The following MAP4K4 variants were observed in gnomAD, a reference collection of about 807,000 sequenced individuals.
MAP4K4 encodes the protein mitogen-activated protein kinase kinase kinase kinase 4.
Under a neutral mutation model 189.6 loss-of-function variants are expected in MAP4K4, and 38 were observed. The ratio of observed to expected loss-of-function variants is 0.20; its 90% CI spans 0.15 to 0.26. The LOEUF (loss-of-function observed/expected upper bound fraction) is 0.26. Ranked by LOEUF, MAP4K4 falls within the 10% of genes least tolerant of loss-of-function variation. The pLI is 1.00. For missense variants in MAP4K4, 1,054 were observed against 1,726.9 expected, an observed-to-expected ratio of 0.61 and a Z score of 6.91; for synonymous variants, 610 against 624.3, an observed-to-expected ratio of 0.98 and a Z score of 0.34.
At chr2:101,774,826 G>T (rs1575331352) in intron 2 of MAP4K4, among the ~76,000 whole-genome samples, 1 of 152,046 alleles carries the variant, frequency 6.6e-6, no homozygotes, top group South Asian at 2.1e-4. Context: ...GATTTTAAAG[G>T]CATGTCTTAG....
intron 20 of MAP4K4, 24 bp from the exon 21 acceptor site, chr2:101,868,005 C>T: frequency 5.0e-6 from 8 of 1,613,204 alleles, no homozygotes; most frequent in Non-Finnish European, 6.8e-6. Context: ...TTCTCGGACT[C>T]CACGAAACTG....
At chr2:101,881,134 T>C (rs1425681824) in intron 27 of MAP4K4, among the ~76,000 whole-genome samples, 1 of 152,224 alleles carries the variant, frequency 6.6e-6, no homozygotes, top group African/African-American at 2.4e-5. Flanking sequence ...TATTTAGTTC[T>C]TCTTTGATTT....
intron 3 of MAP4K4, among the ~76,000 whole-genome samples, chr2:101,810,174 T>C (rs987453078): frequency 1.4e-4 from 21 of 152,180 alleles, no homozygotes; most frequent in African/African-American, 5.1e-4. Context: ...GGCTAAACCA[T>C]TGGGGTGAAT....
intron 2 of MAP4K4, among the ~76,000 whole-genome samples, chr2:101,719,674 C>T (rs913372886): frequency 3.9e-5 from 6 of 152,082 alleles, no homozygotes; most frequent in African/African-American, 1.2e-4. Context: ...TAAAATGCGT[C>T]GTGTTGGAAT....
chr2:101,834,498 T>A, intron 8 of MAP4K4, 35 bp downstream of exon 8: 1 of 1,544,970 alleles, frequency 6.5e-7, no homozygotes, highest in Non-Finnish European at 8.9e-7. Context: ...GCTCACTTGT[T>A]ACATGTGACT....
chr2:101,746,502 C>G (rs2065668938), intron 2 of MAP4K4, among the ~76,000 whole-genome samples: 1 of 152,024 alleles, frequency 6.6e-6, no homozygotes, highest in African/African-American at 2.4e-5. Flanking sequence ...CTGACTACCT[C>G]TCACAGCTGA....
chr2:101,723,208 GGATTACAATTCAA>G (rs2053254912), intron 2 of MAP4K4, among the ~76,000 whole-genome samples: 1 of 152,090 alleles, frequency 6.6e-6, no homozygotes, highest in Non-Finnish European at 1.5e-5. Flanking sequence ...AAATTTATGG[GGATTACAATTCAA>G]GATGAGGTTT....
intron 2 of MAP4K4, among the ~76,000 whole-genome samples, chr2:101,720,336 G>A (rs1187933453): frequency 6.6e-6 from 1 of 151,884 alleles, no homozygotes; most frequent in Non-Finnish European, 1.5e-5. Context: ...GCCACACCTG[G>A]CTAATTTTTT....
At chr2:101,717,727 C>T (rs905501221) in intron 2 of MAP4K4, among the ~76,000 whole-genome samples, 3 of 152,088 alleles carry the variant, frequency 2.0e-5, no homozygotes, top group Admixed American at 1.3e-4. Flanking sequence ...AGAAATGAAT[C>T]AGGATGTGCT....
intron 2 of MAP4K4, among the ~76,000 whole-genome samples, chr2:101,754,342 T>G (rs1236060107): frequency 0.022 from 52 of 2,316 alleles, no homozygotes; most frequent in African/African-American, 0.12. Flanking sequence ...TTTTTTGCTG[T>G]TTTTTTTTTT....
At chr2:101,879,195 CAAAAAAAAAAAAAAAA>C (rs61482872) in intron 27 of MAP4K4, among the ~76,000 whole-genome samples, 1 of 67,446 alleles carries the variant, frequency 1.5e-5, no homozygotes, top group East Asian at 4.3e-4. Flanking sequence ...AGCCTGTCTC[CAAAAAAAAAAAAAAAA>C]AAAAAAAATT....
intron 12 of MAP4K4, among the ~76,000 whole-genome samples, chr2:101,850,251 C>T (rs373054499): frequency 8.6e-5 from 13 of 151,578 alleles, no homozygotes; most frequent in Admixed American, 3.9e-4. Flanking sequence ...TTTAGAGGGG[C>T]GGTGGAAGTA....
At chr2:101,725,877 C>T (rs180755928) in intron 2 of MAP4K4, among the ~76,000 whole-genome samples, 6 of 152,296 alleles carry the variant, frequency 3.9e-5, no homozygotes, top group Admixed American at 2.6e-4. Flanking sequence ...TGGTGGGTTC[C>T]GTCTCTTCCA....
At chr2:101,798,194 A>G (rs920314041) in intron 3 of MAP4K4, among the ~76,000 whole-genome samples, 10 of 151,792 alleles carry the variant, frequency 6.6e-5, no homozygotes, top group Admixed American at 3.3e-4. Context: ...ATTTACAGGT[A>G]TGAGCCACAG....
At chr2:101,764,456 C>T (rs1193128495) in intron 2 of MAP4K4, among the ~76,000 whole-genome samples, 9 of 152,160 alleles carry the variant, frequency 5.9e-5, no homozygotes. Context: ...CTCATTCTGC[C>T]TACCTCTTTG....
At chr2:101,763,839 A>G (rs1364297462) in intron 2 of MAP4K4, among the ~76,000 whole-genome samples, 1 of 152,162 alleles carries the variant, frequency 6.6e-6, no homozygotes, top group Admixed American at 6.5e-5. Context: ...TAACTTAAAA[A>G]GCTCTCTCCA....
At chr2:101,826,750 C>G (rs568949731) in intron 5 of MAP4K4, among the ~76,000 whole-genome samples, 3 of 152,284 alleles carry the variant, frequency 2.0e-5, no homozygotes, top group African/African-American at 7.2e-5. Flanking sequence ...GACTTACTTT[C>G]TCCTCATCTA....
At chr2:101,725,916 A>G (rs908187264) in intron 2 of MAP4K4, among the ~76,000 whole-genome samples, 1 of 151,730 alleles carries the variant, frequency 6.6e-6, no homozygotes, top group African/African-American at 2.4e-5. Flanking sequence ...TCCCCTTACA[A>G]CCTATTTTTT....
At chr2:101,878,954 C>CTT (rs2098292772) in intron 27 of MAP4K4, among the ~76,000 whole-genome samples, 1 of 151,984 alleles carries the variant, frequency 6.6e-6, no homozygotes, top group African/African-American at 2.4e-5. Flanking sequence ...AACTAGAGTG[C>CTT]TGATGGATGG....
Sources: gnomAD v4.1 joint callset for allele counts (sites outside exome capture counted in the v4.1 genomes callset) on GRCh38, gnomAD v4.1.1 for gene constraint, MANE v1.5 for transcripts, NCBI Gene and HGNC (gene_info 2026-07-23, HGNC 2026-07-21) for gene names.